The following PPP3CC variants were observed in gnomAD, a reference collection of about 807,000 sequenced individuals.
The protein encoded by PPP3CC is serine/threonine-protein phosphatase 2B catalytic subunit gamma isoform.
Under a neutral mutation model 60.3 loss-of-function variants are expected in PPP3CC, and 35 were observed. That is an observed-to-expected ratio of 0.58 (90% CI 0.44 to 0.77). The LOEUF (loss-of-function observed/expected upper bound fraction) is 0.77. Among genes scored for constraint, PPP3CC ranks in the 30% least tolerant of loss-of-function variants. The pLI, the probability that PPP3CC is intolerant of heterozygous loss-of-function variation, is 0.00. For missense variants in PPP3CC, 570 were observed against 628.9 expected (o/e 0.91, Z 1.00); for synonymous variants, 206 against 224.3 (o/e 0.92, Z 0.73).
At chr8:22,481,545 CTT>C (rs869259358) in intron 3 of PPP3CC, among the ~76,000 whole-genome samples, 7 of 136,406 alleles carry the variant, frequency 5.1e-5, no homozygotes, top group Admixed American at 7.4e-5. Context: ...GTTTTGTGTT[CTT>C]TTTTTTTTTT....
intron 1 of PPP3CC, among the ~76,000 whole-genome samples, chr8:22,447,564 T>G (rs1273226062): frequency 6.6e-6 from 1 of 152,098 alleles, no homozygotes; most frequent in Non-Finnish European, 1.5e-5. Context: ...GCGATCCTCT[T>G]GCCTTTGTCT....
chr8:22,489,091 A>G (rs1291140209), intron 3 of PPP3CC, among the ~76,000 whole-genome samples: 2 of 152,094 alleles, frequency 1.3e-5, no homozygotes, highest in African/African-American at 4.8e-5. Context: ...TTTTAAAACA[A>G]TTACTTTGGC....
At chr8:22,471,186 G>T (rs1049162711) in intron 1 of PPP3CC, among the ~76,000 whole-genome samples, 1 of 151,952 alleles carries the variant, frequency 6.6e-6, no homozygotes, top group Admixed American at 6.6e-5. Context: ...CTAAAAGAAA[G>T]AGCTTGTTGC....
intron 3 of PPP3CC, among the ~76,000 whole-genome samples, chr8:22,477,662 A>C (rs903669044): frequency 1.3e-5 from 2 of 151,966 alleles, no homozygotes; most frequent in Non-Finnish European, 2.9e-5. Flanking sequence ...GGGTCCTGCC[A>C]TGTTGCCTAG....
chr8:22,539,466 C>T lies in PPP3CC; in HGVS notation c.1322-3C>T, dbSNP rs1161384955. The T allele has an allele frequency of 1.2e-6, 2 of 1,613,880 alleles. No individual in the cohort carries two copies. Among genetic ancestry groups the T allele is most frequent in the Non-Finnish European group, 1.7e-6 (2 of 1,179,978 alleles). ...GCATGCTACTGCTCCTGCCCTCTTA[C>T]AGCCACAGTAGAAGCGGTAGAGGCC... On this transcript the variant is annotated splice_polypyrimidine_tract_variant and splice_region_variant and intron_variant, in intron 12 of 13. Coordinates refer to ENST00000240139, the MANE Select transcript of PPP3CC (RefSeq NM_005605.5).
intron 3 of PPP3CC, among the ~76,000 whole-genome samples, chr8:22,481,563 T>C (rs1838070583): frequency 6.6e-6 from 1 of 151,382 alleles, no homozygotes; most frequent in South Asian, 2.1e-4. Context: ...TTTTTTAATG[T>C]TTTAAATTCT....
At chr8:22,482,051 A>T (rs1369342711) in intron 3 of PPP3CC, among the ~76,000 whole-genome samples, 1 of 152,094 alleles carries the variant, frequency 6.6e-6, no homozygotes, top group Non-Finnish European at 1.5e-5. Flanking sequence ...TATATACGCG[A>T]TAATGGGATT....
intron 1 of PPP3CC, among the ~76,000 whole-genome samples, chr8:22,457,818 G>A (rs1440848741): frequency 1.3e-5 from 2 of 152,248 alleles, no homozygotes; most frequent in Non-Finnish European, 2.9e-5. Flanking sequence ...TCGGCCGGGC[G>A]CAGTGGCTTA....
intron 3 of PPP3CC, among the ~76,000 whole-genome samples, chr8:22,495,357 C>T (rs909621016): frequency 6.6e-6 from 1 of 152,056 alleles, no homozygotes; most frequent in Non-Finnish European, 1.5e-5. Context: ...CATAGCTTAG[C>T]GTCTCTCCTG....
At chr8:22,453,906 G>A (rs1171868622) in intron 1 of PPP3CC, among the ~76,000 whole-genome samples, 1 of 152,180 alleles carries the variant, frequency 6.6e-6, no homozygotes, top group African/African-American at 2.4e-5. Context: ...AATAGGGCTT[G>A]CAGGACTGGA....
At chr8:22,539,558 C>T in intron 13 of PPP3CC, 60 bp downstream of exon 13, 1 of 1,507,516 alleles carries the variant, frequency 6.6e-7, no homozygotes, top group Non-Finnish European at 9.1e-7. Context: ...TTTTTCGAAG[C>T]TTTATCAACA....
chr8:22,447,988 T>C (rs7821470), intron 1 of PPP3CC, among the ~76,000 whole-genome samples: 27,712 of 152,166 alleles, frequency 0.18, 4,803 homozygotes, highest in African/African-American at 0.46. Context: ...TTGCAGTGTC[T>C]AGACAATGTC....
intron 1 of PPP3CC, among the ~76,000 whole-genome samples, chr8:22,457,661 C>T (rs927732381): frequency 2.0e-5 from 3 of 152,186 alleles, no homozygotes; most frequent in Non-Finnish European, 4.4e-5. Flanking sequence ...TCGTTGATTT[C>T]CCCCTTTATA....
intron 3 of PPP3CC, among the ~76,000 whole-genome samples, chr8:22,476,931 C>CAAA (rs200213778): frequency 1.5e-5 from 1 of 65,406 alleles, no homozygotes. Flanking sequence ...GACTCTGTCT[C>CAAA]AAAAAAAAAA....
intron 1 of PPP3CC, among the ~76,000 whole-genome samples, chr8:22,462,593 C>G (rs1417800163): frequency 1.3e-5 from 2 of 148,330 alleles, no homozygotes; most frequent in Non-Finnish European, 3.0e-5. Flanking sequence ...TTTTTTGAGA[C>G]GGAGTCTTGC....
At chr8:22,473,627 C>A (rs1273947084) in intron 1 of PPP3CC, among the ~76,000 whole-genome samples, 1 of 151,976 alleles carries the variant, frequency 6.6e-6, no homozygotes, top group Non-Finnish European at 1.5e-5. Flanking sequence ...TCACACCCGG[C>A]TAATTTTTGT....
At chr8:22,441,490 C>G (rs980762097) in intron 1 of PPP3CC, 32 bp downstream of exon 1, 3 of 1,515,336 alleles carry the variant, frequency 2.0e-6, no homozygotes, top group East Asian at 2.6e-5. Flanking sequence ...CCTCTGGGAC[C>G]CGCGGGAAAC....
intron 7 of PPP3CC, 21 bp downstream of exon 7, chr8:22,522,589 A>T: frequency 6.3e-7 from 1 of 1,598,046 alleles, no homozygotes; most frequent in Non-Finnish European, 8.6e-7. Flanking sequence ...TTAAAATTGT[A>T]CCAAATATCG....
intron 6 of PPP3CC, among the ~76,000 whole-genome samples, chr8:22,514,701 C>CT (rs1839193754): frequency 1.8e-5 from 1 of 54,924 alleles, no homozygotes; most frequent in African/African-American, 6.8e-5. Context: ...TTTTTTTTTT[C>CT]CTTTTTTGAG....
Sources: allele counts gnomAD v4.1 joint callset (sites outside exome capture counted in the v4.1 genomes callset), GRCh38; gene constraint gnomAD v4.1.1; transcripts MANE v1.5; gene names NCBI Gene and HGNC (gene_info 2026-07-23, HGNC 2026-07-21).